Variants in ARL15 observed in about 807,000 individuals in gnomAD.
ARL15 encodes ADP-ribosylation factor-like protein 15.
A neutral mutation model predicts 25.2 loss-of-function variants in ARL15; 19 were observed. The ratio of observed to expected loss-of-function variants is 0.75; its 90% CI spans 0.53 to 1.10. The LOEUF (loss-of-function observed/expected upper bound fraction) is 1.10. ARL15 is among the 50% of genes least tolerant of loss of function. The pLI, the probability that ARL15 is intolerant of heterozygous loss-of-function variation, is 0.00. For synonymous variants in ARL15, 94 were observed against 86.8 expected (o/e 1.08, Z -0.46); for missense variants, 220 against 246.0 (o/e 0.89, Z 0.71).
chr5:54,303,538 A>G (rs866948259), intron 1 of ARL15, among the ~76,000 whole-genome samples: 29 of 151,652 alleles, frequency 1.9e-4, no homozygotes, highest in South Asian at 2.1e-4. Flanking sequence ...GCAAGAAACA[A>G]ACAAACAAAC....
At position 53,884,326 on chromosome 5, in the gene ARL15, G is replaced by C. The variant is rs996922928; in HGVS notation, c.*2235C>G. The C allele has an allele frequency of 1.3e-5, 2 of 151,664 alleles. No individual in the cohort carries two copies. Among genetic ancestry groups the C allele is most frequent in the South Asian group, 4.2e-4 (2 of 4,786 alleles). The allele number at this position is 151,664 out of a possible 1,614,324, so 9.4% of individuals were successfully genotyped here. A position where few individuals can be genotyped will look rare whatever the true frequency, so the allele number is the denominator to read the frequency against. On this transcript the variant is annotated 3_prime_UTR_variant, in exon 5 of 5. Transcript: ENST00000504924. ...CCTGTGGCACTTTACATGAAAGTAG[G>C]AAAAGGGACTTACACTCCCACCCCC... is the stretch of plus-strand genomic sequence containing the variant.
intron 1 of ARL15, among the ~76,000 whole-genome samples, chr5:54,222,921 G>T (rs1188169132): frequency 6.6e-6 from 1 of 151,766 alleles, no homozygotes; most frequent in African/African-American, 2.4e-5. Context: ...CCGGGTTCTA[G>T]TGATTCTTCT....
intron 4 of ARL15, among the ~76,000 whole-genome samples, chr5:54,044,169 CT>C: frequency 6.6e-6 from 1 of 151,796 alleles, no homozygotes; most frequent in Middle Eastern, 3.5e-3. Flanking sequence ...AAGTACATTA[CT>C]TGGATAGATT....
At chr5:54,285,291 G>T in intron 1 of ARL15, 1 of 789,394 alleles carries the variant, frequency 1.3e-6, no homozygotes, top group Non-Finnish European at 1.5e-6. Context: ...GAAAAAGAAT[G>T]CCTAAGACAG....
chr5:54,124,090 A>C (rs1170046147), intron 3 of ARL15, among the ~76,000 whole-genome samples: 1 of 152,210 alleles, frequency 6.6e-6, no homozygotes, highest in East Asian at 1.9e-4. Flanking sequence ...AATTTTATTT[A>C]GATTAGGATA....
At chr5:54,281,293 C>T (rs1295811416) in intron 1 of ARL15, among the ~76,000 whole-genome samples, 2 of 152,090 alleles carry the variant, frequency 1.3e-5, no homozygotes, top group Admixed American at 6.5e-5. Flanking sequence ...GCGCCCGCCA[C>T]CACGCCCAGC....
rs1744500446 is a variant in ARL15, at chr5:53,885,644, C to A, written c.*917G>T. On this transcript the variant is annotated 3_prime_UTR_variant, in exon 5 of 5. Transcript: ENST00000504924. Reference sequence around the variant, plus strand: ...TTTGTCAAATCCATGCCATCTTAAACCCTAACCAGTATAAATTATACTTTT... The same window carrying A: ...TTTGTCAAATCCATGCCATCTTAAAACCTAACCAGTATAAATTATACTTTT... The A allele has an allele frequency of 6.6e-6, 1 of 152,476 alleles. No individual in the cohort carries two copies. The allele number at this position is 152,476 out of a possible 1,614,324, so 9.4% of individuals were successfully genotyped here.
chr5:54,198,635 T>G (rs368151677), intron 1 of ARL15, among the ~76,000 whole-genome samples: 53,898 of 142,866 alleles, frequency 0.38, 10,796 homozygotes, highest in Non-Finnish European at 0.43. Flanking sequence ...CACTGCTCAA[T>G]GAAATAAAAG....
intron 3 of ARL15, among the ~76,000 whole-genome samples, chr5:54,113,757 C>T (rs1752811353): frequency 6.6e-6 from 1 of 152,186 alleles, no homozygotes; most frequent in South Asian, 2.1e-4. Flanking sequence ...ATGAACTACA[C>T]ACTCTCTAAA....
intron 1 of ARL15, among the ~76,000 whole-genome samples, chr5:54,270,127 A>C (rs1757743324): frequency 6.6e-6 from 1 of 152,236 alleles, no homozygotes; most frequent in African/African-American, 2.4e-5. Flanking sequence ...TATGTAACAA[A>C]AAATTGCACA....
chr5:54,085,382 T>C (rs568370585), intron 4 of ARL15, among the ~76,000 whole-genome samples: 9 of 152,312 alleles, frequency 5.9e-5, no homozygotes, highest in South Asian at 4.1e-4. Flanking sequence ...CAATTTGAAA[T>C]AGCAAATCAA....
At chr5:53,920,702 C>T (rs930468191) in intron 4 of ARL15, among the ~76,000 whole-genome samples, 12 of 150,122 alleles carry the variant, frequency 8.0e-5, no homozygotes, top group Non-Finnish European at 1.3e-4. Flanking sequence ...GAGCTGCCTA[C>T]TTATGACATG....
rs1261131118 is a variant in ARL15, at chr5:54,201,056, AAAAGAGTTGAGTGATTCTCATTTATCTC to A, written c.49-29156_49-29129del. On this transcript the variant is annotated intron_variant, in intron 1 of 4. Transcript: ENST00000504924. ...CAAATTCAGTGGGTTAGGAAAAAAA[AAAAGAGTTGAGTGATTCTCATTTATCTC>A]AATAGCTTTCCTTGGTTTTACCCTC... Among the ~76,000 whole-genome samples, 38 of 152,116 alleles carry A rather than the reference AAAAGAGTTGAGTGATTCTCATTTATCTC, an allele frequency of 2.5e-4. 2 individuals carry two copies. The highest frequency in any genetic ancestry group is 2.2e-3 in the Admixed American group (33 of 15,258).
chr5:54,310,189 C>T, intron 1 of ARL15: 1 of 456,394 alleles, frequency 2.2e-6, no homozygotes, highest in Non-Finnish European at 3.9e-6. Context: ...AGCCCCAGCG[C>T]GACCCTCGCC....
At chr5:54,297,648 C>G (rs1177034386) in intron 1 of ARL15, among the ~76,000 whole-genome samples, 1 of 152,242 alleles carries the variant, frequency 6.6e-6, no homozygotes, top group African/African-American at 2.4e-5. Flanking sequence ...GAGTCTACCT[C>G]TGACCTCTGC....
intron 4 of ARL15, among the ~76,000 whole-genome samples, chr5:53,968,284 A>G (rs1747630829): frequency 6.6e-6 from 1 of 152,200 alleles, no homozygotes; most frequent in Non-Finnish European, 1.5e-5. Context: ...GGCATATCTA[A>G]TTTTTTGCTC....
chr5:53,890,625 C>T (rs1744679827), intron 4 of ARL15, among the ~76,000 whole-genome samples: 1 of 152,130 alleles, frequency 6.6e-6, no homozygotes, highest in Non-Finnish European at 1.5e-5. Flanking sequence ...AGAGAGTGGG[C>T]ATTTATTAGT....
chr5:53,901,085 C>A (rs974089530), intron 4 of ARL15, among the ~76,000 whole-genome samples: 2 of 152,198 alleles, frequency 1.3e-5, no homozygotes, highest in East Asian at 3.9e-4. Flanking sequence ...CTTCTCAATA[C>A]CATACATAAC....
chr5:53,906,473 C>T (rs1225484756), intron 4 of ARL15, among the ~76,000 whole-genome samples: 1 of 152,052 alleles, frequency 6.6e-6, no homozygotes, highest in Non-Finnish European at 1.5e-5. Flanking sequence ...TTAAGAGGTA[C>T]AACATAATGG....
Sources: gnomAD v4.1 joint callset for allele counts (sites outside exome capture counted in the v4.1 genomes callset) on GRCh38, gnomAD v4.1.1 for gene constraint, MANE v1.5 for transcripts, NCBI Gene and HGNC (gene_info 2026-07-23, HGNC 2026-07-21) for gene names.